CDH9: variants seen among roughly 807,000 people sequenced by gnomAD.
The protein encoded by CDH9 is cadherin-9.
Under a neutral mutation model 70.9 loss-of-function variants are expected in CDH9, and 28 were observed. The observed-to-expected ratio is 0.40, with a 90% CI of 0.29 to 0.54. The LOEUF (loss-of-function observed/expected upper bound fraction) is 0.54, where lower values mean the gene tolerates loss of function less well. Ranked by LOEUF, CDH9 falls within the 20% of genes least tolerant of loss-of-function variation. The pLI, the probability that CDH9 is intolerant of heterozygous loss-of-function variation, is 0.59. For missense variants in CDH9, 874 were observed against 984.4 expected (o/e 0.89, Z 1.50); for synonymous variants, 409 against 343.1 (o/e 1.19, Z -2.12).
chr5:27,019,676 C>A (rs1743104402), intron 1 of CDH9, among the ~76,000 whole-genome samples: 2 of 151,790 alleles, frequency 1.3e-5, no homozygotes, highest in Non-Finnish European at 1.5e-5. Flanking sequence ...ATTCAGCTCC[C>A]ATTTAGCTGA....
intron 3 of CDH9, among the ~76,000 whole-genome samples, chr5:26,913,614 T>A (rs1213867349): frequency 1.3e-5 from 2 of 152,092 alleles, no homozygotes; most frequent in East Asian, 3.9e-4. Flanking sequence ...AAAGCTTATG[T>A]AAATGAAATA....
chr5:26,900,796 G>T (rs913693220), intron 7 of CDH9, among the ~76,000 whole-genome samples: 1 of 151,992 alleles, frequency 6.6e-6, no homozygotes, highest in Middle Eastern at 3.2e-3. Flanking sequence ...AACCAACATT[G>T]ATGATTTTTT....
intron 6 of CDH9, chr5:26,903,091 T>C (rs1740885242): frequency 5.1e-6 from 1 of 194,380 alleles, no homozygotes; most frequent in African/African-American, 2.4e-5. Context: ...AAGTATAGAA[T>C]AAAAATTATT....
rs116818590 is a variant in CDH9, at chr5:26,956,641, C to T, written c.228+31465G>A. Among the ~76,000 whole-genome samples the T allele has an allele frequency of 3.7e-3, 556 of 152,232 alleles. 7 individuals are homozygous for T. Among genetic ancestry groups the T allele is most frequent in the African/African-American group, 0.013 (536 of 41,542 alleles). ...GTGTGTCTGTATTAGCCCCCTGCCA[C>T]CCTCCACAGACCCCACAGGCTTTCT... On this transcript the variant is annotated intron_variant, in intron 2 of 11. Transcript: ENST00000231021.
rs577684782 is a variant in CDH9, at chr5:26,981,959, A to T, written c.228+6147T>A. Among the ~76,000 whole-genome samples, 13 of 152,210 alleles carry T rather than the reference A, an allele frequency of 8.5e-5. No individual in the cohort carries two copies. The East Asian group carries it at 1.5e-3, about 18-fold the overall frequency. On this transcript the variant is annotated intron_variant, in intron 2 of 11. Coordinates refer to ENST00000231021, the MANE Select transcript of CDH9 (RefSeq NM_016279.4). ...TCATAATGACATCATCATCATCATC[A>T]TCATTTACAGCCTTGTACATAAATA... is the stretch of plus-strand genomic sequence containing the variant.
intron 2 of CDH9, among the ~76,000 whole-genome samples, chr5:26,942,586 T>C (rs192435095): frequency 1.3e-5 from 2 of 152,290 alleles, no homozygotes; most frequent in Non-Finnish European, 2.9e-5. Flanking sequence ...ATTCTCAGGA[T>C]GCACGGAAGT....
chr5:27,015,765 T>C (rs989597016), intron 1 of CDH9, among the ~76,000 whole-genome samples: 5 of 151,738 alleles, frequency 3.3e-5, no homozygotes, highest in African/African-American at 1.2e-4. Flanking sequence ...CAAATGAGAG[T>C]CACCACTTTT....
chr5:26,909,920 A>G (rs1043265620), intron 3 of CDH9, among the ~76,000 whole-genome samples: 2 of 151,942 alleles, frequency 1.3e-5, no homozygotes, highest in Non-Finnish European at 1.5e-5. Context: ...TCCTCTGGAT[A>G]TGGGAGAAAA....
chr5:26,959,197 G>T (rs1175294660), intron 2 of CDH9, among the ~76,000 whole-genome samples: 1 of 151,898 alleles, frequency 6.6e-6, no homozygotes, highest in Non-Finnish European at 1.5e-5. Context: ...TGAATAAATG[G>T]CTTGAAAATA....
chr5:26,930,380 T>A (rs1030244695), intron 2 of CDH9, among the ~76,000 whole-genome samples: 3 of 152,090 alleles, frequency 2.0e-5, no homozygotes, highest in Non-Finnish European at 4.4e-5. Flanking sequence ...GCTCTATATA[T>A]GCCAAAATTC....
chr5:26,955,260 A>G (rs1324385786), intron 2 of CDH9, among the ~76,000 whole-genome samples: 1 of 152,210 alleles, frequency 6.6e-6, no homozygotes, highest in Non-Finnish European at 1.5e-5. Context: ...AATCATGAGA[A>G]TCCCTTATTT....
At chr5:27,029,993 C>CCA (rs1406561092) in intron 1 of CDH9, among the ~76,000 whole-genome samples, 3 of 151,984 alleles carry the variant, frequency 2.0e-5, no homozygotes, top group Non-Finnish European at 4.4e-5. Context: ...CTTTGTCTCT[C>CCA]CACTCCACCT....
intron 1 of CDH9, among the ~76,000 whole-genome samples, chr5:27,025,499 T>G (rs1190444831): frequency 1.3e-5 from 2 of 151,544 alleles, no homozygotes; most frequent in Non-Finnish European, 2.9e-5. Flanking sequence ...AAAGAATAAG[T>G]CAATAAAGAG....
Position 26,881,487 on chromosome 5 carries a change from G to C in CDH9, c.2019C>G (p.Asp673Glu). 1 of 1,613,776 alleles carries C rather than the reference G, an allele frequency of 6.2e-7. No individual in the cohort carries two copies. The highest frequency in any genetic ancestry group is 8.5e-7 in the Non-Finnish European group (1 of 1,179,808). ...GGGEEDTQAFDIGTLRNPEAR... is the reference protein window; with the variant it reads ...GGGEEDTQAFEIGTLRNPEAR... Reference sequence around the variant, plus strand: ...CCTCTGGATTCCTTAATGTGCCAATGTCAAAAGCTTGGGTATCTTCTTCCC... The same window carrying C: ...CCTCTGGATTCCTTAATGTGCCAATCTCAAAAGCTTGGGTATCTTCTTCCC... The change falls in exon 12 of 12, where the codon GAC becomes GAG. Residue 673 changes from aspartate to glutamate, a missense_variant. By Grantham distance (45) the Asp-to-Glu change is conservative. Transcript: ENST00000231021.
intron 2 of CDH9, among the ~76,000 whole-genome samples, chr5:26,974,308 C>G (rs1429209237): frequency 6.6e-6 from 1 of 151,710 alleles, no homozygotes; most frequent in Non-Finnish European, 1.5e-5. Context: ...TGAGCTTGTA[C>G]TTATGAAGAC....
In CDH9 at chr5:26,881,108, C is replaced by A; in HGVS notation, c.*28G>T. The A allele has an allele frequency of 6.4e-7, 1 of 1,560,728 alleles. No homozygotes were observed. The highest frequency in any genetic ancestry group is 8.7e-7 in the Non-Finnish European group (1 of 1,152,734). The stretch of plus-strand genomic sequence containing the variant: ...TCTAATAACATAGACAGTACTTCCA[C>A]TAATATTGATTAAGTCAAACAATCC... On this transcript the variant is annotated 3_prime_UTR_variant, in exon 12 of 12. Coordinates refer to ENST00000231021, the MANE Select transcript of CDH9 (RefSeq NM_016279.4).
chr5:26,901,212 A>C (rs2111986103), intron 7 of CDH9, among the ~76,000 whole-genome samples: 2 of 152,106 alleles, frequency 1.3e-5, no homozygotes, highest in South Asian at 4.1e-4. Flanking sequence ...TGTGTTTCAA[A>C]ATGATGTTAA....
intron 2 of CDH9, among the ~76,000 whole-genome samples, chr5:26,961,376 T>G (rs901393552): frequency 6.6e-6 from 1 of 152,168 alleles, no homozygotes; most frequent in Non-Finnish European, 1.5e-5. Context: ...AATAAAATTT[T>G]GTATTCTTGG....
intron 2 of CDH9, among the ~76,000 whole-genome samples, chr5:26,959,425 C>A (rs1266247572): frequency 6.6e-6 from 1 of 151,950 alleles, no homozygotes; most frequent in East Asian, 1.9e-4. Context: ...GTGGGTGCAA[C>A]CACTGGTGAA....
Sources: gnomAD v4.1 joint callset for allele counts (sites outside exome capture counted in the v4.1 genomes callset) on GRCh38, gnomAD v4.1.1 for gene constraint, MANE v1.5 for transcripts, NCBI Gene and HGNC (gene_info 2026-07-23, HGNC 2026-07-21) for gene names.